MTMR3: variants seen among roughly 807,000 people sequenced by gnomAD.
MTMR3 encodes myotubularin related protein 3.
In MTMR3, 32 loss-of-function variants were observed where a neutral mutation model predicts 132.4. The observed-to-expected ratio is 0.24, with a 90% CI of 0.18 to 0.32. The LOEUF (loss-of-function observed/expected upper bound fraction) is 0.32, where lower values mean the gene tolerates loss of function less well. Ranked by LOEUF, MTMR3 falls within the 10% of genes least tolerant of loss-of-function variation. MTMR3 has a pLI of 1.00. For synonymous variants in MTMR3, 556 were observed against 550.3 expected, an observed-to-expected ratio of 1.01 and a Z score of -0.14; for missense variants, 1,216 against 1,489.6, an observed-to-expected ratio of 0.82 and a Z score of 3.02.
rs1446967321 is a variant in MTMR3 at position 29,979,051 on chromosome 22, A to G, written c.209A>G (p.Asn70Ser). The part of the protein sequence containing the change: ...LHIKFKESLV[N>S]VPLQLIESVE... ...ATCAAGTTCAAGGAGTCTCTTGTTA[A>G]TGTAAGTGATTACCAGCTGTTCTCC... The change falls in exon 5 of 20, where the codon AAT (asparagine) becomes AGT (serine). Residue 70 changes from asparagine to serine, a missense_variant and splice_region_variant. This residue lies in a region of MTMR3 where 81 missense variants were observed against 87.7 expected (regional missense o/e 0.92). Transcript: ENST00000401950. 4 of 1,579,512 alleles carry G rather than the reference A, an allele frequency of 2.5e-6. No homozygotes were observed. The African/African-American group carries it at 4.0e-5, about 16-fold the overall frequency.
intron 1 of MTMR3, among the ~76,000 whole-genome samples, chr22:29,902,616 C>T (rs536254126): frequency 6.6e-6 from 1 of 152,174 alleles, no homozygotes; most frequent in African/African-American, 2.4e-5. Flanking sequence ...ATCCGCCTGT[C>T]TTGGCCTCCC....
chr22:29,988,684 C>A, intron 6 of MTMR3, 122 bp downstream of exon 6: 2 of 593,816 alleles, frequency 3.4e-6, no homozygotes, highest in East Asian at 3.0e-5. Context: ...GGAATATTTT[C>A]TGAGTAGTTT....
At chr22:29,946,224 T>C (rs1005363588) in intron 1 of MTMR3, among the ~76,000 whole-genome samples, 1 of 152,152 alleles carries the variant, frequency 6.6e-6, no homozygotes, top group Admixed American at 6.5e-5. Context: ...CTGGAATACC[T>C]AGAACAACTG....
At chr22:29,945,760 A>G (rs909240964) in intron 1 of MTMR3, among the ~76,000 whole-genome samples, 9 of 151,958 alleles carry the variant, frequency 5.9e-5, no homozygotes, top group African/African-American at 2.2e-4. Flanking sequence ...TGAAGGACAC[A>G]TGGGCCTTGT....
chr22:29,895,519 C>T (rs897067689), intron 1 of MTMR3, among the ~76,000 whole-genome samples: 2 of 152,082 alleles, frequency 1.3e-5, no homozygotes, highest in Non-Finnish European at 2.9e-5. Flanking sequence ...AAGTGGTAGT[C>T]GGTTGGCGAG....
intron 1 of MTMR3, among the ~76,000 whole-genome samples, chr22:29,946,488 C>T (rs1441640447): frequency 2.6e-5 from 4 of 152,082 alleles, no homozygotes; most frequent in Non-Finnish European, 4.4e-5. Context: ...TGCATGTGCA[C>T]CAGGTCAGGC....
At chr22:29,995,101 T>C (rs978519254) in intron 7 of MTMR3, 6 of 152,326 alleles carry the variant, frequency 3.9e-5, no homozygotes, top group Admixed American at 3.9e-4. Flanking sequence ...GGCCTACCTC[T>C]CTAACCTCTC....
chr22:29,954,059 C>CTTTCTTTTTTTTT (rs2066135937), intron 1 of MTMR3, among the ~76,000 whole-genome samples: 1 of 79,426 alleles, frequency 1.3e-5, no homozygotes, highest in African/African-American at 5.3e-5. Flanking sequence ...TCAAATGAGT[C>CTTTCTTTTTTTTT]TTTTTTTTTT....
rs144492601 is a variant in MTMR3 at position 29,894,433 on chromosome 22, C to T, written c.-138+11074C>T. Among the ~76,000 whole-genome samples, 683 of 151,940 alleles carry T rather than the reference C, an allele frequency of 4.5e-3. 6 individuals are homozygous for T. Among genetic ancestry groups the T allele is most frequent in the African/African-American group, 0.016 (643 of 41,412 alleles). On this transcript the variant is annotated intron_variant, in intron 1 of 19. Transcript: ENST00000401950. ...AGCTGATTGAGAATTATAAAAGACA[C>T]CTTAAGAAAAATCAGTTTCTATGCA...
intron 1 of MTMR3, among the ~76,000 whole-genome samples, chr22:29,950,355 A>AT (rs2066051204): frequency 1.5e-5 from 2 of 131,698 alleles, no homozygotes; most frequent in Non-Finnish European, 3.5e-5. Context: ...TCTGTTTTTT[A>AT]TTTTTTTATT....
chr22:29,987,763 C>T (rs1380840875), intron 5 of MTMR3: 1 of 152,196 alleles, frequency 6.6e-6, no homozygotes, highest in Non-Finnish European at 1.5e-5. Context: ...ACCATTCCAG[C>T]TTGTTCAAAC....
In MTMR3 at chr22:29,947,096, A is replaced by G. The variant is rs1261146393; in HGVS notation, c.-137-9940A>G. Among the ~76,000 whole-genome samples the G allele has an allele frequency of 2.6e-5, 4 of 152,316 alleles. No homozygotes were observed. In the East Asian group the frequency reaches 7.7e-4, roughly 29 times the overall value. Reference sequence around the variant, plus strand: ...GTTTCCAGCATTTTAACATATATACATGTTCTGACTGAACAGTAGTAGTGC... The same window carrying G: ...GTTTCCAGCATTTTAACATATATACGTGTTCTGACTGAACAGTAGTAGTGC... On this transcript the variant is annotated intron_variant, in intron 1 of 19. Coordinates refer to ENST00000401950, the MANE Select transcript of MTMR3 (RefSeq NM_021090.4).
chr22:29,949,240 C>T (rs1330151232), intron 1 of MTMR3, among the ~76,000 whole-genome samples: 3 of 147,584 alleles, frequency 2.0e-5, no homozygotes, highest in African/African-American at 5.0e-5. Context: ...GTAATCCCAG[C>T]ACTTTGGGAG....
chr22:29,976,499 C>A (rs1039762803), intron 3 of MTMR3, among the ~76,000 whole-genome samples: 16 of 152,244 alleles, frequency 1.1e-4, no homozygotes, highest in Admixed American at 5.2e-4. Context: ...AGGTGTTTTA[C>A]TTGTATTTCC....
At chr22:30,024,349 T>G (rs139370147) in intron 19 of MTMR3, 1 of 152,350 alleles carries the variant, frequency 6.6e-6, no homozygotes, top group East Asian at 1.9e-4. Flanking sequence ...GTCAGGCTTT[T>G]GAGCTGAACT....
chr22:29,897,708 C>A (rs1476274626), intron 1 of MTMR3, among the ~76,000 whole-genome samples: 2 of 152,120 alleles, frequency 1.3e-5, no homozygotes, highest in Non-Finnish European at 2.9e-5. Context: ...TCTTGGCCCC[C>A]CAAAGGGCTG....
At chr22:29,902,247 A>G (rs2065014725) in intron 1 of MTMR3, among the ~76,000 whole-genome samples, 3 of 152,206 alleles carry the variant, frequency 2.0e-5, no homozygotes, top group Non-Finnish European at 4.4e-5. Context: ...TTTTTAAATT[A>G]AAGAAGTACA....
intron 7 of MTMR3, chr22:29,995,158 A>T (rs149655859): frequency 3.3e-5 from 5 of 152,288 alleles, no homozygotes; most frequent in Non-Finnish European, 5.9e-5. Context: ...CACGACTAGC[A>T]TATGACTCTG....
intron 1 of MTMR3, among the ~76,000 whole-genome samples, chr22:29,913,266 AGGG>A (rs2065248320): frequency 2.0e-5 from 3 of 152,126 alleles, no homozygotes; most frequent in African/African-American, 7.2e-5. Flanking sequence ...ACAGAAACAA[AGGG>A]TCTTAGTTAT....
Sources: gnomAD v4.1 joint callset for allele counts (sites outside exome capture counted in the v4.1 genomes callset) on GRCh38, gnomAD v4.1.1 for gene constraint, gnomAD v4.1.1 regional missense constraint, MANE v1.5 for transcripts, NCBI Gene and HGNC (gene_info 2026-07-23, HGNC 2026-07-21) for gene names.